The following LRP5 variants were observed in gnomAD, a reference collection of about 807,000 sequenced individuals.
LRP5 encodes LDL receptor related protein 5, also known as low-density lipoprotein receptor-related protein 5.
A neutral mutation model predicts 154.1 loss-of-function variants in LRP5; 62 were observed. The ratio of observed to expected loss-of-function variants is 0.40; its 90% CI spans 0.33 to 0.50. The LOEUF is 0.50. Ranked by LOEUF, LRP5 falls within the 20% of genes least tolerant of loss-of-function variation. LRP5 has a pLI of 0.55. For missense variants in LRP5, 1,915 were observed against 2,336.7 expected (o/e 0.82, Z 3.72); for synonymous variants, 966 against 1,011.5 (o/e 0.96, Z 0.85).
intron 13 of LRP5, among the ~76,000 whole-genome samples, chr11:68,417,498 G>C (rs1374465377): frequency 2.8e-5 from 3 of 107,572 alleles, no homozygotes; most frequent in Admixed American, 3.0e-4. Flanking sequence ...GTCTCACTCT[G>C]TCACCAGCCT....
chr11:68,438,382 C>G, intron 19 of LRP5, 64 bp from the exon 20 acceptor site: 1 of 1,456,132 alleles, frequency 6.9e-7, no homozygotes, highest in South Asian at 1.1e-5. Flanking sequence ...CGGTGTCTGC[C>G]CCCAAGGAGG....
chr11:68,379,415 C>G (rs1262315509), intron 5 of LRP5, among the ~76,000 whole-genome samples: 2 of 152,136 alleles, frequency 1.3e-5, no homozygotes, highest in Non-Finnish European at 2.9e-5. Flanking sequence ...TGCTGGGGTC[C>G]GCGGTTCCCG....
At position 68,411,545 on chromosome 11, in the gene LRP5, A is replaced by G. The variant is rs778726416; in HGVS notation, c.2428A>G (p.Thr810Ala). The change falls in exon 11 of 23, where the codon ACC (threonine) becomes GCC (alanine). Residue 810 changes from threonine to alanine, a missense_variant. Physicochemically the swap from Thr to Ala is moderately conservative, Grantham distance 58. This residue lies in a region of LRP5 where 1,094 missense variants were observed against 1,210.1 expected (regional missense o/e 0.90). Transcript: ENST00000294304. ...CAAGGTGGGCCGGGCCAACGACCTC[A>G]CCATTGACTACGCTGACCAGCGCCT... The part of the protein sequence containing the change: ...VDKVGRANDL[T>A]IDYADQRLYW... The G allele has an allele frequency of 3.1e-6, 5 of 1,613,732 alleles. No homozygotes were observed. The highest frequency in any genetic ancestry group is 3.4e-6 in the Non-Finnish European group (4 of 1,180,016).
chr11:68,418,042 C>T (rs1242521954), intron 13 of LRP5, among the ~76,000 whole-genome samples: 1 of 152,306 alleles, frequency 6.6e-6, no homozygotes, highest in East Asian at 1.9e-4. Flanking sequence ...CGGCCTCAGG[C>T]CCACCTGGAG....
rs768904962 is a variant in LRP5 at position 68,433,784 on chromosome 11, C to T, written c.3946C>T (p.Arg1316Cys). ...ARGQCVDLRL[R>C]CDGEADCQDR... ...GGGTCAGTGTGTGGACCTGCGCCTG[C>T]GCTGCGACGGCGAGGCAGACTGTCA... is the stretch of plus-strand genomic sequence containing the variant. The change falls in exon 18 of 23, where the codon CGC (arginine) becomes TGC (cysteine). Residue 1316 changes from arginine to cysteine, a missense_variant. By Grantham distance (180) the Arg-to-Cys change is radical (BLOSUM62 -3). Coordinates refer to ENST00000294304, the MANE Select transcript of LRP5 (RefSeq NM_002335.4). The T allele has an allele frequency of 8.1e-6, 13 of 1,612,458 alleles. No individual in the cohort carries two copies. Among genetic ancestry groups the T allele is most frequent in the East Asian group, 6.7e-5 (3 of 44,882 alleles).
upstream of LRP5, among the ~76,000 whole-genome samples, chr11:68,312,187 C>T (rs988362096): frequency 6.6e-6 from 1 of 152,234 alleles, no homozygotes; most frequent in African/African-American, 2.4e-5. Flanking sequence ...CTCTGCCCTC[C>T]ACAGGTGAGA....
chr11:68,411,284 G>T (rs79770290), intron 10 of LRP5, 152 bp from the exon 11 acceptor site: 1 of 750,488 alleles, frequency 1.3e-6, no homozygotes, highest in African/African-American at 1.7e-5. Flanking sequence ...AGGGGTCGAG[G>T]GTCTCGCCCT....
chr11:68,380,929 A>G (rs2098639922), intron 5 of LRP5, among the ~76,000 whole-genome samples: 1 of 152,222 alleles, frequency 6.6e-6, no homozygotes, highest in Non-Finnish European at 1.5e-5. Context: ...AGATATGCTA[A>G]AGGTCTAACC....
In LRP5 at chr11:68,348,242, G is replaced by C. The variant is rs748168729; in HGVS notation, c.487G>C (p.Gly163Arg). The change falls in exon 2 of 23, where the codon GGG (glycine) becomes CGG (arginine). Residue 163 changes from glycine to arginine, a missense_variant and splice_region_variant. By Grantham distance (125) the Gly-to-Arg change is moderately radical. This residue lies in a region of LRP5 where 773 missense variants were observed against 1,100.9 expected (regional missense o/e 0.70). Transcript: ENST00000294304. ...PRAIALDPAH[G>R]YMYWTDWGET... ...GGCCATCGCCTTGGACCCCGCTCACGGGTAAACCCTGCTGCGACTCCACCT... is the reference window on the plus strand; with the variant it reads ...GGCCATCGCCTTGGACCCCGCTCACCGGTAAACCCTGCTGCGACTCCACCT... 2 of 1,604,722 alleles carry C rather than the reference G, an allele frequency of 1.2e-6. No homozygotes were observed. Among genetic ancestry groups the C allele is most frequent in the Non-Finnish European group, 1.7e-6 (2 of 1,179,986 alleles).
At chr11:68,421,839 G>A (rs1252059363) in intron 13 of LRP5, among the ~76,000 whole-genome samples, 2 of 151,772 alleles carry the variant, frequency 1.3e-5, no homozygotes, top group East Asian at 3.9e-4. Context: ...TGTGGTGTGT[G>A]TGTGTGTATG....
intron 2 of LRP5, among the ~76,000 whole-genome samples, chr11:68,351,772 G>A (rs2098618812): frequency 6.6e-6 from 1 of 152,190 alleles, no homozygotes; most frequent in African/African-American, 2.4e-5. Flanking sequence ...TGTGCGTAGG[G>A]GGATAAAGCA....
chr11:68,442,395 C>T (rs2098678670), intron 21 of LRP5, among the ~76,000 whole-genome samples: 2 of 152,172 alleles, frequency 1.3e-5, no homozygotes, highest in African/African-American at 4.8e-5. Flanking sequence ...CTGCCTCAGT[C>T]CCCTCAAGTA....
At chr11:68,336,962 A>C (rs1448103327) in intron 1 of LRP5, among the ~76,000 whole-genome samples, 1 of 152,254 alleles carries the variant, frequency 6.6e-6, no homozygotes, top group Non-Finnish European at 1.5e-5. Context: ...CAGCAGAAGC[A>C]TCATAGATCT....
chr11:68,329,627 T>G (rs1011127859), intron 1 of LRP5, among the ~76,000 whole-genome samples: 16 of 144,766 alleles, frequency 1.1e-4, no homozygotes, highest in Middle Eastern at 3.4e-3. Flanking sequence ...GAACAGTGAC[T>G]TCGGAGCCAC....
At position 68,312,792 on chromosome 11, in the gene LRP5, G is replaced by C. The variant is rs2153110233; in HGVS notation, c.78G>C (p.Pro26=). 2 of 1,077,450 alleles carry C rather than the reference G, an allele frequency of 1.9e-6. No individual in the cohort carries two copies. Among genetic ancestry groups the C allele is most frequent in the South Asian group, 5.8e-5 (2 of 34,644 alleles). The allele number at this position is 1,077,450 out of a possible 1,614,324, so 66.7% of individuals were successfully genotyped here. The change falls in exon 1 of 23, where the codon CCG becomes CCC. Residue 26 remains proline (P), a synonymous_variant. Coordinates refer to ENST00000294304, the MANE Select transcript of LRP5 (RefSeq NM_002335.4). ...TGCTGCTGGCGCTGTGCGGCTGCCCGGCCCCCGCCGCGGGTAGGTGGGCGC... is the reference window on the plus strand; with the variant it reads ...TGCTGCTGGCGCTGTGCGGCTGCCCCGCCCCCGCCGCGGGTAGGTGGGCGC... ...LLLLLALCGC[P]APAAASPLLL... is the part of the protein sequence containing the mutation.
At position 68,348,006 on chromosome 11, in the gene LRP5, A is replaced by G; in HGVS notation, c.251A>G (p.Glu84Gly). 1 of 1,614,138 alleles carries G rather than the reference A, an allele frequency of 6.2e-7. No homozygotes were observed. ...KGAVYWTDVS[E>G]EAIKQTYLNQ... is the part of the protein sequence containing the mutation. ...GCCGTGTACTGGACAGACGTGAGCGAGGAGGCCATCAAGCAGACCTACCTG... is the reference window on the plus strand; with the variant it reads ...GCCGTGTACTGGACAGACGTGAGCGGGGAGGCCATCAAGCAGACCTACCTG... The change falls in exon 2 of 23, where the codon GAG becomes GGG. Residue 84 changes from glutamate (E) to glycine (G), a missense_variant. By Grantham distance (98) the Glu-to-Gly change is moderately conservative. Transcript: ENST00000294304.
Position 68,327,794 on chromosome 11 carries a change from C to T in LRP5, c.91+14989C>T, listed in dbSNP as rs148966603. ...AGCTTTCCTGCAGGTTTCCCCCGGA[C>T]GGAATGTGTTTCGTCCTGTGCACCT... On this transcript the variant is annotated intron_variant, in intron 1 of 22. Transcript: ENST00000294304. 1.8e-3 allele frequency among the ~76,000 whole-genome samples: 274 copies of T among 152,264 alleles called. 1 individual carries two copies. The highest frequency in any genetic ancestry group is 6.1e-3 in the African/African-American group (255 of 41,536).
intron 1 of LRP5, among the ~76,000 whole-genome samples, chr11:68,318,697 G>GT (rs1256182272): frequency 1.3e-5 from 2 of 152,292 alleles, no homozygotes; most frequent in East Asian, 3.9e-4. Context: ...GAGGAAAGTG[G>GT]TTTTTAGCCT....
upstream of LRP5, among the ~76,000 whole-genome samples, chr11:68,308,446 G>A (rs997422324): frequency 1.3e-5 from 2 of 152,206 alleles, no homozygotes; most frequent in African/African-American, 4.8e-5. Flanking sequence ...TTGCATCTAA[G>A]GAACGAACTG....
Sources: gnomAD v4.1 joint callset for allele counts (sites outside exome capture counted in the v4.1 genomes callset) on GRCh38, gnomAD v4.1.1 for gene constraint, gnomAD v4.1.1 regional missense constraint, MANE v1.5 for transcripts, NCBI Gene and HGNC (gene_info 2026-07-23, HGNC 2026-07-21) for gene names.